SFMBT2: variants seen among roughly 807,000 people sequenced by gnomAD.
SFMBT2 encodes scm-like with four MBT domains protein 2.
Under a neutral mutation model 110.1 loss-of-function variants are expected in SFMBT2, and 38 were observed. The ratio of observed to expected loss-of-function variants is 0.35; its 90% confidence interval spans 0.27 to 0.45. The LOEUF is 0.45. Among genes scored for constraint, SFMBT2 ranks in the 20% least tolerant of loss-of-function variants. The pLI, the probability that SFMBT2 is intolerant of heterozygous loss-of-function variation, is 1.00. For missense variants in SFMBT2, 1,011 were observed against 1,094.9 expected, an observed-to-expected ratio of 0.92 and a Z score of 1.08; for synonymous variants, 425 against 425.4, an observed-to-expected ratio of 1.00 and a Z score of 0.01.
Position 7,367,963 on chromosome 10 carries a change from TA to T in SFMBT2, c.196-75del. 1 of 1,544,194 alleles carries T rather than the reference TA, an allele frequency of 6.5e-7. No individual in the cohort carries two copies. Among genetic ancestry groups the T allele is most frequent in the Non-Finnish European group, 8.7e-7 (1 of 1,144,762 alleles). The stretch of plus-strand genomic sequence containing the variant: ...ACATCCAGAAGATGACAAAAACCAC[TA>T]AAAAATATGGCACTTACAAACAATA... On this transcript the variant is annotated intron_variant, in intron 3 of 20. Transcript: ENST00000397167. This position sits in a 1 kb window ranked among gnomAD's most constrained non-coding sequence, Gnocchi z 6.2.
chr10:7,210,779 G>A (rs1024420524), intron 11 of SFMBT2, among the ~76,000 whole-genome samples: 1 of 152,204 alleles, frequency 6.6e-6, no homozygotes, highest in Non-Finnish European at 1.5e-5. Flanking sequence ...AAGCCTCCCT[G>A]GGTCAGCTCT....
intron 9 of SFMBT2, among the ~76,000 whole-genome samples, chr10:7,229,676 C>T (rs972005894): frequency 2.0e-5 from 3 of 150,186 alleles, no homozygotes; most frequent in East Asian, 3.9e-4. Context: ...GCAAAGAATA[C>T]GAATTATTTT....
At chr10:7,325,782 G>T in intron 4 of SFMBT2, among the ~76,000 whole-genome samples, 1 of 152,156 alleles carries the variant, frequency 6.6e-6, no homozygotes, top group Non-Finnish European at 1.5e-5. Flanking sequence ...CTGCTATCGG[G>T]TAACGGTTTA....
In SFMBT2 at chr10:7,293,150, G is replaced by A. The variant is rs1188090110; in HGVS notation, c.437-7196C>T. On this transcript the variant is annotated intron_variant, in intron 4 of 20. Transcript: ENST00000397167. The surrounding 1 kb of genome is among the most constrained non-coding windows in gnomAD (Gnocchi z 4.6). ...TGCAACCTCCACCTCCTGGGTTCAA[G>A]CGATTCTCCTACCTCAGCCTCCCAA... 6.6e-6 allele frequency among the ~76,000 whole-genome samples: 1 copy of A among 152,060 alleles called. No homozygotes were observed. Among genetic ancestry groups the A allele is most frequent in the Non-Finnish European group, 1.5e-5 (1 of 67,990 alleles).
intron 4 of SFMBT2, chr10:7,295,392 G>C (rs1349279954): frequency 6.6e-6 from 1 of 152,134 alleles, no homozygotes; most frequent in African/African-American, 2.4e-5. Context: ...ACAAATAATA[G>C]GTTACACCTC....
intron 7 of SFMBT2, among the ~76,000 whole-genome samples, chr10:7,260,249 A>G (rs1841152078): frequency 6.6e-6 from 1 of 152,200 alleles, no homozygotes; most frequent in East Asian, 1.9e-4. Flanking sequence ...CTTCTCACAC[A>G]AAGACCAGAC....
chr10:7,215,834 C>T (rs1839517440), intron 11 of SFMBT2: 1 of 608,618 alleles, frequency 1.6e-6, no homozygotes, highest in Non-Finnish European at 2.1e-6. Flanking sequence ...ACACAGTAGA[C>T]AAACTCGCTA....
intron 6 of SFMBT2, among the ~76,000 whole-genome samples, chr10:7,281,533 T>C (rs1022704387): frequency 1.3e-5 from 2 of 152,180 alleles, no homozygotes; most frequent in African/African-American, 4.8e-5. Flanking sequence ...GTTAAGGAAG[T>C]GGTGCTACCA....
chr10:7,346,695 C>A (rs759980837), intron 4 of SFMBT2, among the ~76,000 whole-genome samples: 5 of 151,366 alleles, frequency 3.3e-5, no homozygotes, highest in Non-Finnish European at 7.4e-5. Flanking sequence ...GTAGGCTGGG[C>A]AAGGTGGTGC....
chr10:7,348,390 T>C, intron 4 of SFMBT2: 1 of 1,406,270 alleles, frequency 7.1e-7, no homozygotes, highest in East Asian at 2.6e-5. Flanking sequence ...CTATAATCCA[T>C]GATGGGCTTT....
At chr10:7,165,901 G>A (rs1053274023) in intron 20 of SFMBT2, among the ~76,000 whole-genome samples, 8 of 152,240 alleles carry the variant, frequency 5.3e-5, no homozygotes, top group Non-Finnish European at 7.3e-5. Flanking sequence ...GCTCTAGGTC[G>A]CGAAGAAACC....
rs909007041 is a variant in SFMBT2 at position 7,271,825 on chromosome 10, G to T, written c.870+5067C>A. On this transcript the variant is annotated intron_variant, in intron 7 of 20. Transcript: ENST00000397167. ...AGACAAGAGAAGAGAGCTTCTGCAGGGAAACTCCCATTTTTAAAACCATCA... is the reference window on the plus strand; with the variant it reads ...AGACAAGAGAAGAGAGCTTCTGCAGTGAAACTCCCATTTTTAAAACCATCA... Among the ~76,000 whole-genome samples the T allele has an allele frequency of 1.5e-4, 23 of 152,088 alleles. 1 individual carries two copies. Among genetic ancestry groups the T allele is most frequent in the Admixed American group, 6.5e-5 (1 of 15,276 alleles).
At chr10:7,187,412 G>C (rs536598558) in intron 16 of SFMBT2, among the ~76,000 whole-genome samples, 1 of 152,274 alleles carries the variant, frequency 6.6e-6, no homozygotes, top group Admixed American at 6.5e-5. Context: ...CTGAGCTATA[G>C]GTGAAGCTCA....
chr10:7,176,885 G>C (rs1464976484), intron 16 of SFMBT2, among the ~76,000 whole-genome samples: 1 of 152,142 alleles, frequency 6.6e-6, no homozygotes, highest in Non-Finnish European at 1.5e-5. Context: ...GAATCGTAAG[G>C]GGTCTCCGGT....
intron 1 of SFMBT2, among the ~76,000 whole-genome samples, chr10:7,409,894 T>C (rs1204098871): frequency 6.6e-6 from 1 of 151,980 alleles, no homozygotes; most frequent in Non-Finnish European, 1.5e-5. Flanking sequence ...GATCAGGCTC[T>C]GGATGAGTGT....
intron 4 of SFMBT2, among the ~76,000 whole-genome samples, chr10:7,338,957 C>T (rs1033897859): frequency 2.6e-5 from 4 of 152,114 alleles, no homozygotes; most frequent in Non-Finnish European, 2.9e-5. Context: ...ACTGAATTGG[C>T]GGCCAGGCAC....
chr10:7,287,917 A>G (rs1211974218), intron 4 of SFMBT2, among the ~76,000 whole-genome samples: 1 of 152,224 alleles, frequency 6.6e-6, no homozygotes, highest in East Asian at 1.9e-4. Flanking sequence ...CCAGGTTGCT[A>G]ATGATATTTT....
chr10:7,250,428 T>TC (rs398074895), intron 7 of SFMBT2, among the ~76,000 whole-genome samples: 1 of 151,730 alleles, frequency 6.6e-6, no homozygotes, highest in Admixed American at 6.6e-5. Flanking sequence ...TGCATTCTTT[T>TC]TATGGCTATG....
chr10:7,207,006 G>T, intron 11 of SFMBT2: 1 of 785,180 alleles, frequency 1.3e-6, no homozygotes, highest in Non-Finnish European at 1.5e-6. Flanking sequence ...CCAGCAAATT[G>T]CTTGAGCCTA....
Sources: gnomAD v4.1 joint callset for allele counts (sites outside exome capture counted in the v4.1 genomes callset) on GRCh38, gnomAD v4.1.1 for gene constraint, Gnocchi (gnomAD v3.1) non-coding constraint, MANE v1.5 for transcripts, NCBI Gene and HGNC (gene_info 2026-07-23, HGNC 2026-07-21) for gene names.